Variants in BRD9 observed in about 807,000 individuals in gnomAD.
BRD9 encodes bromodomain containing 9, also known as bromodomain-containing protein 9.
BRD9 carries 47 observed loss-of-function variants against 68.7 expected under a neutral mutation model. The ratio of observed to expected loss-of-function variants is 0.68; its 90% CI spans 0.54 to 0.87. The LOEUF is 0.87. Ranked by LOEUF, BRD9 falls within the 40% of genes least tolerant of loss-of-function variation. BRD9 has a pLI of 0.00. For missense variants in BRD9, 670 were observed against 748.4 expected (o/e 0.90, Z 1.22); for synonymous variants, 313 against 293.9 (o/e 1.06, Z -0.67).
At chr5:886,317 C>T (rs1159687015) in intron 7 of BRD9, among the ~76,000 whole-genome samples, 22 of 152,186 alleles carry the variant, frequency 1.4e-4, no homozygotes, top group African/African-American at 5.1e-4. Context: ...ATGATCTTAA[C>T]GGCGTGTAGA....
chr5:892,057 C>A (rs1753506954), intron 1 of BRD9: 2 of 812,958 alleles, frequency 2.5e-6, no homozygotes, highest in Non-Finnish European at 1.9e-6. Flanking sequence ...CAGGGAGCTT[C>A]AGGTCCCTTT....
At chr5:888,590 G>A (rs933844455) in intron 5 of BRD9, among the ~76,000 whole-genome samples, 3 of 152,202 alleles carry the variant, frequency 2.0e-5, no homozygotes, top group Non-Finnish European at 4.4e-5. Flanking sequence ...GCAAGAAACA[G>A]AGCTAAGAGC....
At chr5:869,434 T>C (rs764811678) in intron 14 of BRD9, 41 of 447,902 alleles carry the variant, frequency 9.2e-5, no homozygotes, top group South Asian at 5.7e-4. Flanking sequence ...ATATATCCCT[T>C]TGACATATTT....
chr5:891,373 G>A, intron 2 of BRD9, 86 bp from the exon 3 acceptor site: 5 of 1,492,268 alleles, frequency 3.4e-6, no homozygotes, highest in Admixed American at 2.2e-5. Context: ...GTTCTCAGGG[G>A]AGGGACAGAA....
intron 11 of BRD9, among the ~76,000 whole-genome samples, chr5:877,903 G>A (rs549354915): frequency 5.9e-5 from 9 of 152,248 alleles, no homozygotes; most frequent in Non-Finnish European, 8.8e-5. Context: ...CACGCAGGAT[G>A]GCCCCGGGAA....
chr5:888,494 T>C (rs1752890299), intron 5 of BRD9: 1 of 152,314 alleles, frequency 6.6e-6, no homozygotes, highest in Non-Finnish European at 1.5e-5. Flanking sequence ...TAAACTACAC[T>C]AATGCCAACT....
intron 10 of BRD9, chr5:878,867 A>G: frequency 4.2e-6 from 1 of 240,532 alleles, no homozygotes; most frequent in African/African-American, 5.3e-5. Context: ...TGGGGGACAC[A>G]GGCCAGGTGT....
chr5:892,009 C>T (rs1560937086), intron 1 of BRD9, 155 bp from the exon 2 acceptor site: 2 of 1,227,916 alleles, frequency 1.6e-6, no homozygotes, highest in Non-Finnish European at 2.2e-6. Context: ...ACCACAGTGG[C>T]GGCATGTCAC....
At chr5:875,514 AT>A (rs1238042518) in intron 12 of BRD9, among the ~76,000 whole-genome samples, 1 of 151,796 alleles carries the variant, frequency 6.6e-6, no homozygotes, top group Non-Finnish European at 1.5e-5. Flanking sequence ...CGCCCAGCTA[AT>A]TTTTTCTATT....
At chr5:872,406 G>T (rs1296014639) in intron 12 of BRD9, among the ~76,000 whole-genome samples, 2 of 152,194 alleles carry the variant, frequency 1.3e-5, no homozygotes, top group Non-Finnish European at 2.9e-5. Context: ...TTTCCCGAAA[G>T]GAATCTAACT....
chr5:865,717 T>G, intron 14 of BRD9, 136 bp from the exon 15 acceptor site: 1 of 982,368 alleles, frequency 1.0e-6, no homozygotes. Context: ...GTGGACGAGC[T>G]CACAGCAGAC....
At chr5:869,162 G>A (rs958705827) in intron 14 of BRD9, 5 of 363,702 alleles carry the variant, frequency 1.4e-5, no homozygotes, top group Admixed American at 7.5e-5. Flanking sequence ...GGACTGAACG[G>A]ATTCCCACTC....
intron 9 of BRD9, 119 bp from the exon 10 acceptor site, chr5:880,008 A>AT: frequency 9.4e-7 from 1 of 1,066,004 alleles, no homozygotes; most frequent in South Asian, 1.3e-5. Context: ...AGGTGGGGGG[A>AT]TTTTATAATG....
At chr5:883,878 G>C in intron 8 of BRD9, 60 bp downstream of exon 8, 1 of 1,578,728 alleles carries the variant, frequency 6.3e-7, no homozygotes, top group Non-Finnish European at 8.6e-7. Flanking sequence ...CCCAGAAGGA[G>C]AGGCACACAG....
Position 891,622 on chromosome 5 carries a change from C to T in BRD9, c.267+18G>A. 6.5e-7 allele frequency: 1 copy of T among 1,549,648 alleles called. No homozygotes were observed. Among genetic ancestry groups the T allele is most frequent in the Non-Finnish European group, 8.7e-7 (1 of 1,146,888 alleles). ...CTCCTCGTGGGCAGCGTCCGGGCCA[C>T]CGCCGCTGCTCCTTTACCTTTCGCT... is the stretch of plus-strand genomic sequence containing the variant. On this transcript the variant is annotated intron_variant, in intron 2 of 15. Transcript: ENST00000467963.
In BRD9 at chr5:887,400, C is replaced by T. The variant is rs750529019; in HGVS notation, c.678G>A (p.Ala226=). ...NRPDTVYYKL[A]KKILHAGFKM... ...TAAAGCCTGCGTGAAGGATCTTCTTCGCCAACTTGTAGTACACGGTATCTG... is the reference window on the plus strand; with the variant it reads ...TAAAGCCTGCGTGAAGGATCTTCTTTGCCAACTTGTAGTACACGGTATCTG... Residue 226 remains alanine, a synonymous_variant, in exon 6 of 16, where the codon GCG becomes GCA. Transcript: ENST00000467963. 4.3e-6 allele frequency: 7 copies of T among 1,613,926 alleles called. No individual in the cohort carries two copies. Among genetic ancestry groups the T allele is most frequent in the Admixed American group, 3.3e-5 (2 of 60,002 alleles).
intron 14 of BRD9, chr5:869,215 G>T: frequency 2.3e-6 from 1 of 425,624 alleles, no homozygotes; most frequent in South Asian, 1.7e-5. Flanking sequence ...AATGAGGTCA[G>T]GCCATGATGT....
At position 881,158 on chromosome 5, in the gene BRD9, C is replaced by A. The variant is rs1183270991; in HGVS notation, c.991G>T (p.Asp331Tyr). The change falls in exon 9 of 16, where the codon GAC becomes TAC. Residue 331 changes from aspartate to tyrosine, a missense_variant. By Grantham distance (160) the Asp-to-Tyr change is radical. Transcript: ENST00000467963. The stretch of plus-strand genomic sequence containing the variant: ...ACCACGCTGTAGAGCAGGCTCCCGT[C>A]CCCGTTCCTCTTCAGATAGCCCATC... ...GKMGYLKRNG[D>Y]GSLLYSVVNT... 3.7e-6 allele frequency: 6 copies of A among 1,614,078 alleles called. No homozygotes were observed. The highest frequency in any genetic ancestry group is 5.1e-6 in the Non-Finnish European group (6 of 1,180,036).
At position 885,047 on chromosome 5, in the gene BRD9, G is replaced by A. The variant is rs1352812358; in HGVS notation, c.834-977C>T. 3.3e-5 allele frequency among the ~76,000 whole-genome samples: 5 copies of A among 152,322 alleles called. No homozygotes were observed. The East Asian group carries it at 7.7e-4, about 23-fold the overall frequency. ...GGGTCTGCCAGGACACAACCCCACC[G>A]CAGCTGAGCATGCTGACCAGCACCA... is the stretch of plus-strand genomic sequence containing the variant. On this transcript the variant is annotated intron_variant, in intron 7 of 15. Transcript: ENST00000467963.
Sources: allele counts gnomAD v4.1 joint callset (sites outside exome capture counted in the v4.1 genomes callset), GRCh38; gene constraint gnomAD v4.1.1; transcripts MANE v1.5; gene names NCBI Gene and HGNC (gene_info 2026-07-23, HGNC 2026-07-21).